Variants in GLG1 observed in about 807,000 individuals in gnomAD.
GLG1 encodes Golgi apparatus protein 1.
A neutral mutation model predicts 160.5 loss-of-function variants in GLG1; 38 were observed. The observed-to-expected ratio is 0.24, with a 90% CI of 0.18 to 0.31. GLG1 has a LOEUF of 0.31. Ranked by LOEUF, GLG1 falls within the 10% of genes least tolerant of loss-of-function variation. The pLI is 1.00. For synonymous variants in GLG1, 644 were observed against 543.4 expected (o/e 1.19, Z -2.57); for missense variants, 1,373 against 1,505.2 (o/e 0.91, Z 1.45).
intron 2 of GLG1, among the ~76,000 whole-genome samples, chr16:74,513,086 T>A (rs1270345449): frequency 6.6e-6 from 1 of 152,304 alleles, no homozygotes; most frequent in East Asian, 1.9e-4. Flanking sequence ...TCACATTGAA[T>A]ACCGCAGTTC....
intron 1 of GLG1, among the ~76,000 whole-genome samples, chr16:74,585,580 C>T (rs527497594): frequency 6.6e-6 from 1 of 151,826 alleles, no homozygotes; most frequent in African/African-American, 2.4e-5. Context: ...TGGTAGTGTG[C>T]GCCTGTAGTC....
At chr16:74,561,509 C>T (rs1435204335) in intron 1 of GLG1, among the ~76,000 whole-genome samples, 1 of 152,106 alleles carries the variant, frequency 6.6e-6, no homozygotes, top group Non-Finnish European at 1.5e-5. Flanking sequence ...ATTCCCAGAA[C>T]TTTAATAAAG....
chr16:74,501,785 T>C (rs557043399), intron 4 of GLG1, among the ~76,000 whole-genome samples: 2 of 152,354 alleles, frequency 1.3e-5, no homozygotes, highest in East Asian at 3.9e-4. Context: ...CAGAAGAGCT[T>C]CCTGAATCAT....
At chr16:74,579,322 G>C (rs1957883379) in intron 1 of GLG1, among the ~76,000 whole-genome samples, 1 of 151,156 alleles carries the variant, frequency 6.6e-6, no homozygotes, top group Non-Finnish European at 1.5e-5. Flanking sequence ...GGCTGAGACA[G>C]GAGGATCACC....
chr16:74,521,544 G>A (rs914671561), intron 2 of GLG1, among the ~76,000 whole-genome samples: 1 of 152,120 alleles, frequency 6.6e-6, no homozygotes, highest in African/African-American at 2.4e-5. Flanking sequence ...TTTCTGATTT[G>A]AGCAACCAGA....
chr16:74,473,252 G>A (rs2015271615), intron 13 of GLG1, among the ~76,000 whole-genome samples: 1 of 151,284 alleles, frequency 6.6e-6, no homozygotes, highest in South Asian at 2.1e-4. Flanking sequence ...CTGGCTCTGT[G>A]GCCCAGGCGG....
chr16:74,505,734 A>G (rs946661502), intron 3 of GLG1, among the ~76,000 whole-genome samples: 4 of 152,224 alleles, frequency 2.6e-5, no homozygotes, highest in African/African-American at 9.6e-5. Flanking sequence ...GTGCGCCTGT[A>G]GTCCCAGCTA....
chr16:74,512,320 C>G (rs925006701), intron 2 of GLG1, among the ~76,000 whole-genome samples: 1 of 151,396 alleles, frequency 6.6e-6, no homozygotes, highest in African/African-American at 2.4e-5. Flanking sequence ...TACAGTGATG[C>G]AAGTGTGATC....
Position 74,551,201 on chromosome 16 carries a change from T to C in GLG1, c.439-19048A>G, listed in dbSNP as rs139549426. On this transcript the variant is annotated intron_variant, in intron 1 of 25. Coordinates refer to ENST00000422840, the MANE Select transcript of GLG1 (RefSeq NM_001145667.2). The stretch of plus-strand genomic sequence containing the variant: ...TCTGCTTCTTTTTCCTAAATTAGGT[T>C]AATTATACATAATAAAAATAGTTTT... Among the ~76,000 whole-genome samples the C allele has an allele frequency of 3.0e-3, 462 of 152,340 alleles. 2 individuals are homozygous for C. The highest frequency in any genetic ancestry group is 0.01 in the Middle Eastern group (3 of 294).
intron 2 of GLG1, among the ~76,000 whole-genome samples, chr16:74,530,743 C>T (rs1205996039): frequency 6.6e-6 from 1 of 151,830 alleles, no homozygotes; most frequent in Non-Finnish European, 1.5e-5. Context: ...CTCAAGGGGT[C>T]CTCCAGCCTC....
At chr16:74,538,592 T>A (rs532321810) in intron 1 of GLG1, among the ~76,000 whole-genome samples, 1 of 152,302 alleles carries the variant, frequency 6.6e-6, no homozygotes, top group East Asian at 1.9e-4. Flanking sequence ...AAAAGGACAG[T>A]GATCAGCACA....
chr16:74,506,910 A>G (rs1158787227), intron 3 of GLG1, among the ~76,000 whole-genome samples: 6 of 152,156 alleles, frequency 3.9e-5, no homozygotes, highest in African/African-American at 1.4e-4. Context: ...TGGGGAGCAG[A>G]TTGAAAAGGT....
intron 3 of GLG1, among the ~76,000 whole-genome samples, chr16:74,505,724 G>T (rs544126815): frequency 6.6e-6 from 1 of 152,142 alleles, no homozygotes; most frequent in Non-Finnish European, 1.5e-5. Context: ...GTGTGGCGGC[G>T]TGCGCCTGTA....
chr16:74,595,015 C>A (rs1335360739), intron 1 of GLG1, among the ~76,000 whole-genome samples: 1 of 146,582 alleles, frequency 6.8e-6, no homozygotes, highest in Non-Finnish European at 1.5e-5. Context: ...AGTGAAACCT[C>A]GTCTCTACTA....
chr16:74,491,591 TA>T (rs982479449), intron 7 of GLG1, among the ~76,000 whole-genome samples: 1 of 151,452 alleles, frequency 6.6e-6, no homozygotes, highest in African/African-American at 2.4e-5. Flanking sequence ...ATATTCACTA[TA>T]AGCTCCCCCA....
At chr16:74,472,286 C>T in intron 14 of GLG1, 63 bp downstream of exon 14, 1 of 1,075,612 alleles carries the variant, frequency 9.3e-7, no homozygotes, top group Non-Finnish European at 1.4e-6. Flanking sequence ...CTGAGATACT[C>T]AGGGGAGAGT....
chr16:74,533,926 G>A (rs1408739923), intron 1 of GLG1, among the ~76,000 whole-genome samples: 3 of 152,130 alleles, frequency 2.0e-5, no homozygotes, highest in Admixed American at 1.3e-4. Flanking sequence ...TTCTATCCAA[G>A]GATAAAGAAA....
intron 1 of GLG1, among the ~76,000 whole-genome samples, chr16:74,569,582 C>A (rs2018763260): frequency 6.6e-6 from 1 of 152,138 alleles, no homozygotes; most frequent in Non-Finnish European, 1.5e-5. Flanking sequence ...TGCAATAGTG[C>A]CATGCACAGT....
At chr16:74,481,080 A>G (rs1041699660) in intron 10 of GLG1, among the ~76,000 whole-genome samples, 1 of 152,212 alleles carries the variant, frequency 6.6e-6, no homozygotes, top group Non-Finnish European at 1.5e-5. Flanking sequence ...ACAACTTTTT[A>G]CTTAATACTT....
Sources: gnomAD v4.1 joint callset for allele counts (sites outside exome capture counted in the v4.1 genomes callset) on GRCh38, gnomAD v4.1.1 for gene constraint, MANE v1.5 for transcripts, NCBI Gene and HGNC (gene_info 2026-07-23, HGNC 2026-07-21) for gene names.